Variants in TP63 observed in about 807,000 individuals in gnomAD.
TP63 encodes the protein tumor protein p63.
TP63 carries 17 observed loss-of-function variants against 82.8 expected under a neutral mutation model. The ratio of observed to expected loss-of-function variants is 0.21; its 90% confidence interval spans 0.14 to 0.31. TP63 has a LOEUF of 0.31. Ranked by LOEUF, TP63 falls within the 10% of genes least tolerant of loss-of-function variation. The probability of loss-of-function intolerance (pLI) is 1.00; values close to 1 mark genes in which losing one functional copy is unlikely to be tolerated. For synonymous variants in TP63, 330 were observed against 321.7 expected (o/e 1.03, Z -0.28); for missense variants, 648 against 895.3 (o/e 0.72, Z 3.52).
chr3:189,657,560 T>G (rs1012096639), intron 1 of TP63, among the ~76,000 whole-genome samples: 7 of 152,098 alleles, frequency 4.6e-5, no homozygotes, highest in Admixed American at 4.6e-4. Flanking sequence ...GGAGATACAA[T>G]TTAACAATAT....
At chr3:189,893,298 G>T (rs1054514106) in intron 13 of TP63, among the ~76,000 whole-genome samples, 30 of 152,140 alleles carry the variant, frequency 2.0e-4, no homozygotes, top group Admixed American at 3.3e-4. Flanking sequence ...AACTGAGGCT[G>T]GTAGAGAATA....
intron 4 of TP63, among the ~76,000 whole-genome samples, chr3:189,833,952 T>C (rs1712739350): frequency 6.6e-6 from 1 of 152,186 alleles, no homozygotes; most frequent in Non-Finnish European, 1.5e-5. Context: ...AGAATTGTTA[T>C]AAAGCAAATG....
chr3:189,663,541 T>C, intron 1 of TP63, among the ~76,000 whole-genome samples: 1 of 145,506 alleles, frequency 6.9e-6, no homozygotes. Flanking sequence ...TTTTTTTTTT[T>C]TTTTGAGACA....
chr3:189,770,501 G>GTTGCA (rs1169891810), intron 3 of TP63, among the ~76,000 whole-genome samples: 1 of 151,524 alleles, frequency 6.6e-6, no homozygotes, highest in Admixed American at 6.6e-5. Context: ...GGAGACAGAG[G>GTTGCA]TTGCAGTGAG....
At chr3:189,640,898 A>G (rs1345609851) in intron 1 of TP63, among the ~76,000 whole-genome samples, 1 of 152,186 alleles carries the variant, frequency 6.6e-6, no homozygotes, top group East Asian at 1.9e-4. Flanking sequence ...TGTGTAAACT[A>G]AACTAAGACA....
intron 1 of TP63, among the ~76,000 whole-genome samples, chr3:189,736,198 C>T (rs1313157679): frequency 2.7e-5 from 4 of 149,134 alleles, no homozygotes; most frequent in Admixed American, 6.7e-5. Flanking sequence ...TGTAAATATA[C>T]ACACACACTC....
At chr3:189,687,384 G>C (rs1215342609) in intron 1 of TP63, among the ~76,000 whole-genome samples, 1 of 152,154 alleles carries the variant, frequency 6.6e-6, no homozygotes, top group Non-Finnish European at 1.5e-5. Context: ...CACTTGCCTA[G>C]TTTGAATGAT....
chr3:189,665,546 T>C (rs1397607350), intron 1 of TP63, among the ~76,000 whole-genome samples: 1 of 152,052 alleles, frequency 6.6e-6, no homozygotes, highest in Non-Finnish European at 1.5e-5. Context: ...TATGAGGGGA[T>C]ATATCTGAAG....
At chr3:189,738,908 G>A (rs1204842366) in intron 3 of TP63, 134 bp downstream of exon 3, 16 of 1,316,946 alleles carry the variant, frequency 1.2e-5, no homozygotes, top group Admixed American at 2.0e-5. Context: ...AGTCTATGTT[G>A]TTAGCTGAGA....
At chr3:189,708,702 C>A (rs1295470135) in intron 1 of TP63, among the ~76,000 whole-genome samples, 1 of 152,164 alleles carries the variant, frequency 6.6e-6, no homozygotes. Flanking sequence ...CTCAAAGACA[C>A]AGATTTCATT....
intron 3 of TP63, among the ~76,000 whole-genome samples, chr3:189,785,786 CATG>C (rs1469999567): frequency 6.6e-6 from 1 of 152,014 alleles, no homozygotes; most frequent in Non-Finnish European, 1.5e-5. Context: ...TGAGGAGTGA[CATG>C]ATCAGAGTTG....
At chr3:189,887,488 A>C (rs1309982019) in intron 11 of TP63, among the ~76,000 whole-genome samples, 1 of 152,156 alleles carries the variant, frequency 6.6e-6, no homozygotes, top group Non-Finnish European at 1.5e-5. Context: ...ACAAATGAAA[A>C]AGGCACTGTA....
At chr3:189,660,991 G>A (rs977967504) in intron 1 of TP63, among the ~76,000 whole-genome samples, 2 of 151,874 alleles carry the variant, frequency 1.3e-5, no homozygotes, top group African/African-American at 2.4e-5. Context: ...GAGTCTTTCG[G>A]GTTTTCTAGG....
intron 1 of TP63, among the ~76,000 whole-genome samples, chr3:189,671,232 A>T (rs953790611): frequency 5.3e-5 from 8 of 152,118 alleles, no homozygotes; most frequent in African/African-American, 1.9e-4. Context: ...AGGGATTTGG[A>T]TAAACATTTC....
intron 3 of TP63, among the ~76,000 whole-genome samples, chr3:189,752,474 C>T (rs1394420329): frequency 6.6e-6 from 1 of 152,218 alleles, no homozygotes; most frequent in African/African-American, 2.4e-5. Context: ...AGCCACTGTG[C>T]TGGCTATTAT....
intron 3 of TP63, among the ~76,000 whole-genome samples, chr3:189,740,370 G>T (rs73055240): frequency 0.014 from 2,128 of 152,200 alleles, 46 homozygotes; most frequent in African/African-American, 0.049. Context: ...ACCTGTTATT[G>T]TATTCTCTCC....
chr3:189,640,829 A>G lies in TP63; in HGVS notation c.62+9252A>G, dbSNP rs188147103. Among the ~76,000 whole-genome samples the G allele has an allele frequency of 5.4e-4, 82 of 152,312 alleles. No homozygotes were observed. The East Asian group carries it at 0.014, about 27-fold the overall frequency. On this transcript the variant is annotated intron_variant, in intron 1 of 13. Transcript: ENST00000264731. ...TATGCCTGAAAAAGCTAAAAATATTATAGAACACTTTTTTAAAACAAGTCC... is the reference window on the plus strand; with the variant it reads ...TATGCCTGAAAAAGCTAAAAATATTGTAGAACACTTTTTTAAAACAAGTCC...
intron 1 of TP63, among the ~76,000 whole-genome samples, chr3:189,682,548 AAAAAAATATAT>A (rs1201187829): frequency 5.7e-3 from 278 of 48,386 alleles, no homozygotes; most frequent in Non-Finnish European, 6.9e-3. Flanking sequence ...AAAAAAAAAA[AAAAAAATATAT>A]ATATATATAT....
intron 1 of TP63, among the ~76,000 whole-genome samples, chr3:189,734,699 C>T (rs1720446160): frequency 6.6e-6 from 1 of 152,136 alleles, no homozygotes; most frequent in Admixed American, 6.5e-5. Context: ...AGTCATCAGC[C>T]TTGACTTCTA....
Sources: allele counts gnomAD v4.1 joint callset (sites outside exome capture counted in the v4.1 genomes callset), GRCh38; gene constraint gnomAD v4.1.1; transcripts MANE v1.5; gene names NCBI Gene and HGNC (gene_info 2026-07-23, HGNC 2026-07-21).